SAMTOR: variants seen among roughly 807,000 people sequenced by gnomAD.
The protein encoded by SAMTOR is S-adenosylmethionine sensor upstream of mTORC1, also known as UPF0532 protein C7orf60.
At chr7:112,856,641 A>G in the SAMTOR span, among the ~76,000 whole-genome samples, 1 of 152,240 alleles carries the variant, frequency 6.6e-6, no homozygotes, top group Non-Finnish European at 1.5e-5. Flanking sequence ...CAAAATTAAC[A>G]ACTTTTGCAA....
chr7:112,897,746 A>G, the SAMTOR span, among the ~76,000 whole-genome samples: 1 of 152,192 alleles, frequency 6.6e-6, no homozygotes, highest in Non-Finnish European at 1.5e-5. Context: ...TGCATAAAAG[A>G]GAGAAATGTA....
the SAMTOR span, among the ~76,000 whole-genome samples, chr7:112,863,460 G>A: frequency 2.6e-5 from 4 of 152,188 alleles, no homozygotes; most frequent in Non-Finnish European, 5.9e-5. Context: ...AAGAGCTTCT[G>A]CATAGCAAAA....
At chr7:112,912,326 C>G in the SAMTOR span, among the ~76,000 whole-genome samples, 1 of 151,968 alleles carries the variant, frequency 6.6e-6, no homozygotes, top group South Asian at 2.1e-4. Flanking sequence ...GAAGGTATAG[C>G]TATACCTGTA....
the SAMTOR span, among the ~76,000 whole-genome samples, chr7:112,920,423 T>G: frequency 1.3e-5 from 2 of 149,746 alleles, no homozygotes; most frequent in East Asian, 2.0e-4. Context: ...AAACTCTCAA[T>G]AAATTAGGTA....
At chr7:112,939,457 G>GA in the SAMTOR span, 1 of 1,400,626 alleles carries the variant, frequency 7.1e-7, no homozygotes, top group Non-Finnish European at 9.6e-7. Context: ...CCAGGCCCGG[G>GA]AGAGCAGCAG....
chr7:112,842,459 C>T, the SAMTOR span, among the ~76,000 whole-genome samples: 1 of 151,932 alleles, frequency 6.6e-6, no homozygotes, highest in Admixed American at 6.6e-5. Context: ...GCTTTGCTTA[C>T]TTTTCTGGCT....
At chr7:112,852,270 T>G in the SAMTOR span, among the ~76,000 whole-genome samples, 1 of 152,146 alleles carries the variant, frequency 6.6e-6, no homozygotes, top group African/African-American at 2.4e-5. Flanking sequence ...ATCATGGAAT[T>G]CTACGCAGCC....
At chr7:112,939,450 G>A in the SAMTOR span, 4 of 1,358,766 alleles carry the variant, frequency 2.9e-6, no homozygotes, top group South Asian at 4.1e-5. Context: ...GCTCAGACCA[G>A]GCCCGGGAGA....
At chr7:112,882,487 G>A in the SAMTOR span, among the ~76,000 whole-genome samples, 1,625 of 152,188 alleles carry the variant, frequency 0.011, 29 homozygotes, top group African/African-American at 0.037. Context: ...TCAGGAGATC[G>A]AGATCATCCT....
At chr7:112,857,290 A>G in the SAMTOR span, among the ~76,000 whole-genome samples, 1 of 150,492 alleles carries the variant, frequency 6.6e-6, no homozygotes, top group Non-Finnish European at 1.5e-5. Flanking sequence ...ACGGGGTTTC[A>G]CCTTGTTAGC....
chr7:112,865,706 C>CATATATATTTCATATATACATATATTCAT, the SAMTOR span, among the ~76,000 whole-genome samples: 1 of 140,368 alleles, frequency 7.1e-6, no homozygotes, highest in Admixed American at 7.1e-5. Context: ...TACATATATT[C>CATATATATTTCATATATACATATATTCAT]ATATATATTT....
the SAMTOR span, among the ~76,000 whole-genome samples, chr7:112,853,918 G>T: frequency 6.6e-6 from 1 of 151,996 alleles, no homozygotes; most frequent in Non-Finnish European, 1.5e-5. Context: ...TTTCTATTTC[G>T]TATCTTTTAG....
chr7:112,894,889 T>G, the SAMTOR span, among the ~76,000 whole-genome samples: 3 of 152,174 alleles, frequency 2.0e-5, no homozygotes, highest in Non-Finnish European at 4.4e-5. Flanking sequence ...AACCTTCAAT[T>G]TGTAAAAAAT....
At chr7:112,857,816 TG>T in the SAMTOR span, among the ~76,000 whole-genome samples, 2 of 152,330 alleles carry the variant, frequency 1.3e-5, no homozygotes, top group African/African-American at 4.8e-5. Context: ...GCTGTGCAAA[TG>T]TGTGTCACAC....
the SAMTOR span, among the ~76,000 whole-genome samples, chr7:112,822,692 C>T: frequency 6.6e-6 from 1 of 152,058 alleles, no homozygotes; most frequent in Non-Finnish European, 1.5e-5. Flanking sequence ...ACAGGAATGA[C>T]ATTTCTATTT....
At chr7:112,839,726 T>C in the SAMTOR span, among the ~76,000 whole-genome samples, 3 of 151,872 alleles carry the variant, frequency 2.0e-5, no homozygotes, top group Non-Finnish European at 4.4e-5. Flanking sequence ...CCAAAACAAC[T>C]ATAGATTTGT....
chr7:112,827,197 T>A, the SAMTOR span, among the ~76,000 whole-genome samples: 158 of 152,244 alleles, frequency 1.0e-3, no homozygotes, highest in Non-Finnish European at 1.8e-3. Context: ...ATGGGCAACA[T>A]ATATTTGGGT....
At chr7:112,842,929 CATTAA>C in the SAMTOR span, among the ~76,000 whole-genome samples, 51 of 152,054 alleles carry the variant, frequency 3.4e-4, no homozygotes, top group African/African-American at 1.2e-3. Flanking sequence ...ATCAATACCT[CATTAA>C]ATTATTAAAA....
chr7:112,913,825 A>C, the SAMTOR span, among the ~76,000 whole-genome samples: 1 of 152,086 alleles, frequency 6.6e-6, no homozygotes, highest in Non-Finnish European at 1.5e-5. Flanking sequence ...GGCACACATC[A>C]CAACAGTGAA....
Sources: allele counts gnomAD v4.1 joint callset (sites outside exome capture counted in the v4.1 genomes callset), GRCh38; gene constraint gnomAD v4.1.1; transcripts MANE v1.5; gene names NCBI Gene and HGNC (gene_info 2026-07-23, HGNC 2026-07-21).